Variants in SENP7 observed in about 807,000 individuals in gnomAD.
SENP7 encodes the protein sentrin-specific protease 7.
In SENP7, 64 loss-of-function variants were observed where a neutral mutation model predicts 141.2. The ratio of observed to expected loss-of-function variants is 0.45; its 90% confidence interval spans 0.37 to 0.56. The LOEUF (loss-of-function observed/expected upper bound fraction) is 0.56. SENP7 is among the 20% of genes least tolerant of loss of function. SENP7 has a pLI of 0.00. For synonymous variants in SENP7, 382 were observed against 426.4 expected, an observed-to-expected ratio of 0.90 and a Z score of 1.28; for missense variants, 1,025 against 1,212.2, an observed-to-expected ratio of 0.85 and a Z score of 2.29.
At chr3:101,457,620 G>C in intron 4 of SENP7, 1 of 1,564,002 alleles carries the variant, frequency 6.4e-7, no homozygotes, top group Middle Eastern at 2.3e-4. Context: ...ATCTGCTGTG[G>C]CTGTTCTATG....
In SENP7 at chr3:101,337,597, C is replaced by T; in HGVS notation, c.2392G>A (p.Val798Ile). 6.2e-7 allele frequency: 1 copy of T among 1,605,922 alleles called. No homozygotes were observed. Among genetic ancestry groups the T allele is most frequent in the African/African-American group, 1.3e-5 (1 of 74,618 alleles). Residue 798 changes from valine (V) to isoleucine (I), a missense_variant, in exon 17 of 24, where the codon GTT (valine) becomes ATT (isoleucine). Around this residue, in one of 4 missense-constraint regions of SENP7, gnomAD observed 295 missense variants for 459.1 expected, o/e 0.64. Transcript: ENST00000394095. Reference protein sequence around the residue: ...LILEKASDELVERSHIFSSFF... With the variant: ...LILEKASDELIERSHIFSSFF... ...CTACTAAAAATGTGACTTCGTTCAA[C>T]AAGTTCATCTGATGCCTTCTCCAAT...
At chr3:101,357,998 G>T in intron 11 of SENP7, 1 of 630,286 alleles carries the variant, frequency 1.6e-6, no homozygotes, top group Non-Finnish European at 2.6e-6. Flanking sequence ...AATTCTTATT[G>T]GAGAGAAACC....
intron 10 of SENP7, among the ~76,000 whole-genome samples, chr3:101,364,014 T>C (rs1576097898): frequency 6.6e-6 from 1 of 152,196 alleles, no homozygotes; most frequent in Middle Eastern, 3.4e-3. Context: ...GCCCAGTAGT[T>C]AGAGACCAGC....
intron 14 of SENP7, 24 bp downstream of exon 14, chr3:101,343,662 C>T: frequency 6.3e-7 from 1 of 1,579,458 alleles, no homozygotes; most frequent in Non-Finnish European, 8.6e-7. Context: ...CCTTCTCTGC[C>T]AATTATATTA....
At chr3:101,329,346 C>T (rs2058984856) in intron 20 of SENP7, among the ~76,000 whole-genome samples, 1 of 152,098 alleles carries the variant, frequency 6.6e-6, no homozygotes, top group African/African-American at 2.4e-5. Context: ...AAATCTGGCC[C>T]TACAGGCAAG....
At chr3:101,358,229 AAG>A (rs2059796656) in intron 11 of SENP7, 9 of 865,528 alleles carry the variant, frequency 1.0e-5, no homozygotes, top group South Asian at 9.2e-5. Context: ...CACTAAACAT[AAG>A]AGAACTCATA....
intron 3 of SENP7, among the ~76,000 whole-genome samples, chr3:101,478,623 G>GA (rs1454528255): frequency 2.0e-5 from 3 of 152,142 alleles, no homozygotes; most frequent in Non-Finnish European, 2.9e-5. Flanking sequence ...AACTTACAAA[G>GA]AAGAATACCA....
Position 101,385,716 on chromosome 3 carries a change from AG to A in SENP7, c.677+13144del, listed in dbSNP as rs1458109216. 3.9e-4 allele frequency among the ~76,000 whole-genome samples: 60 copies of A among 152,358 alleles called. 1 individual carries two copies. Among genetic ancestry groups the A allele is most frequent in the Non-Finnish European group, 2.9e-5 (2 of 68,034 alleles). ...TACCCAAACTCAGAGCAAAGGCAGCAGCCCAGTCATCTAGAGAACCCAACAG... is the reference window on the plus strand; with the variant it reads ...TACCCAAACTCAGAGCAAAGGCAGCACCCAGTCATCTAGAGAACCCAACAG... On this transcript the variant is annotated intron_variant, in intron 6 of 23. Coordinates refer to ENST00000394095, the MANE Select transcript of SENP7 (RefSeq NM_020654.5).
At chr3:101,345,636 T>G (rs1194273696) in intron 13 of SENP7, among the ~76,000 whole-genome samples, 1 of 152,186 alleles carries the variant, frequency 6.6e-6, no homozygotes, top group African/African-American at 2.4e-5. Flanking sequence ...AGATTTGGAT[T>G]GTCCAACAAA....
intron 4 of SENP7, among the ~76,000 whole-genome samples, chr3:101,422,114 T>G (rs13087404): frequency 0.32 from 48,191 of 151,956 alleles, 8,179 homozygotes; most frequent in Non-Finnish European, 0.38. Flanking sequence ...AGCATTAGAT[T>G]CGCATAGGAG....
At chr3:101,452,763 T>C (rs2063192600) in intron 4 of SENP7, among the ~76,000 whole-genome samples, 1 of 152,106 alleles carries the variant, frequency 6.6e-6, no homozygotes, top group Non-Finnish European at 1.5e-5. Flanking sequence ...ATAAAAACCC[T>C]AGAAGAAAAC....
In SENP7 at chr3:101,398,154, T is replaced by C. The variant is rs548257712; in HGVS notation, c.677+707A>G. Among the ~76,000 whole-genome samples the C allele has an allele frequency of 1.8e-4, 27 of 151,972 alleles. No homozygotes were observed. In the East Asian group the frequency reaches 5.0e-3, roughly 28 times the overall value. ...CTAAGTACTAGTTAAAATTCTAGAG[T>C]CTGAATATAAAAATAACGGACAAGG... On this transcript the variant is annotated intron_variant, in intron 6 of 23. Coordinates refer to ENST00000394095, the MANE Select transcript of SENP7 (RefSeq NM_020654.5).
intron 15 of SENP7, among the ~76,000 whole-genome samples, chr3:101,340,915 G>A (rs1413217065): frequency 1.3e-5 from 2 of 152,184 alleles, no homozygotes; most frequent in Non-Finnish European, 2.9e-5. Context: ...GGAATAGGTA[G>A]AGCAGTACTC....
Position 101,469,716 on chromosome 3 carries a change from C to T in SENP7, c.187-10664G>A, listed in dbSNP as rs1302660472. On this transcript the variant is annotated intron_variant, in intron 3 of 23. Coordinates refer to ENST00000394095, the MANE Select transcript of SENP7 (RefSeq NM_020654.5). ...GCGGGCGCCTGTAGTCCCAGCTACT[C>T]GGGAGGCTGAGGCAGGAGAATGGCG... Among the ~76,000 whole-genome samples, 3 of 103,456 alleles carry T rather than the reference C, an allele frequency of 2.9e-5. 1 individual carries two copies. Among genetic ancestry groups the T allele is most frequent in the Non-Finnish European group, 6.0e-5 (3 of 49,798 alleles). 67.9% of individuals were successfully genotyped at this position (103,456 alleles called of 152,430 possible). A position where few individuals can be genotyped will look rare whatever the true frequency, so the allele number is the denominator to read the frequency against.
At chr3:101,372,922 T>C (rs1423562822) in intron 6 of SENP7, among the ~76,000 whole-genome samples, 2 of 152,046 alleles carry the variant, frequency 1.3e-5, no homozygotes, top group Non-Finnish European at 2.9e-5. Flanking sequence ...TTATTCTCTA[T>C]ACTTATGTAC....
intron 4 of SENP7, among the ~76,000 whole-genome samples, chr3:101,424,631 G>A (rs1035781815): frequency 6.6e-6 from 1 of 151,904 alleles, no homozygotes; most frequent in African/African-American, 2.4e-5. Context: ...ACAAAGACCT[G>A]TACCCACCAG....
intron 17 of SENP7, among the ~76,000 whole-genome samples, chr3:101,335,107 C>T (rs950264378): frequency 6.6e-6 from 1 of 152,072 alleles, no homozygotes; most frequent in South Asian, 2.1e-4. Flanking sequence ...TTACAGATCA[C>T]GCTGTGAAAC....
chr3:101,467,794 C>T (rs892180145), intron 3 of SENP7, among the ~76,000 whole-genome samples: 2 of 152,178 alleles, frequency 1.3e-5, no homozygotes, highest in African/African-American at 2.4e-5. Flanking sequence ...CGGAGCACCT[C>T]GTCTCCTCCA....
chr3:101,483,901 G>T (rs1345329525), intron 3 of SENP7, among the ~76,000 whole-genome samples: 1 of 152,062 alleles, frequency 6.6e-6, no homozygotes, highest in Non-Finnish European at 1.5e-5. Flanking sequence ...GGTGGCAGGT[G>T]CCTGTAATCC....
Sources: allele counts gnomAD v4.1 joint callset (sites outside exome capture counted in the v4.1 genomes callset), GRCh38; gene constraint gnomAD v4.1.1; regional missense constraint gnomAD v4.1.1; transcripts MANE v1.5; gene names NCBI Gene and HGNC (gene_info 2026-07-23, HGNC 2026-07-21).